SNX29: variants seen among roughly 807,000 people sequenced by gnomAD.
The protein encoded by SNX29 is sorting nexin-29.
Under a neutral mutation model 102.1 loss-of-function variants are expected in SNX29, and 78 were observed. That is an observed-to-expected ratio of 0.76 (90% CI 0.64 to 0.92). SNX29 has a LOEUF of 0.92. Ranked by LOEUF, SNX29 falls within the 40% of genes least tolerant of loss-of-function variation. The pLI is 0.00. For synonymous variants in SNX29, 580 were observed against 414.5 expected (o/e 1.40, Z -4.85); for missense variants, 1,280 against 1,061.7 (o/e 1.21, Z -2.86).
intron 19 of SNX29, among the ~76,000 whole-genome samples, chr16:12,494,385 G>T (rs184570620): frequency 6.6e-6 from 1 of 152,272 alleles, no homozygotes; most frequent in East Asian, 1.9e-4. Context: ...GAGCAGTTCC[G>T]CATCAGACTC....
At chr16:12,279,637 C>A (rs1051725121) in intron 15 of SNX29, among the ~76,000 whole-genome samples, 1 of 152,224 alleles carries the variant, frequency 6.6e-6, no homozygotes, top group African/African-American at 2.4e-5. Flanking sequence ...GGGCCCCAAT[C>A]TCAGGATTGG....
chr16:12,044,499 C>T (rs934666772), intron 5 of SNX29, among the ~76,000 whole-genome samples: 3 of 152,180 alleles, frequency 2.0e-5, no homozygotes, highest in Admixed American at 6.5e-5. Context: ...GTACTGCTCA[C>T]GGTCAGAGTT....
chr16:12,191,867 C>T (rs999844615), intron 13 of SNX29, among the ~76,000 whole-genome samples: 2 of 152,244 alleles, frequency 1.3e-5, no homozygotes, highest in African/African-American at 4.8e-5. Flanking sequence ...CTTGGATAGC[C>T]TTGCCACTGG....
chr16:12,302,428 C>T (rs2080204730), intron 15 of SNX29, among the ~76,000 whole-genome samples: 2 of 152,186 alleles, frequency 1.3e-5, no homozygotes, highest in African/African-American at 4.8e-5. Flanking sequence ...AACTGAGAAA[C>T]TTATAAACAA....
chr16:12,318,523 G>A (rs796654949), intron 15 of SNX29, among the ~76,000 whole-genome samples: 8 of 152,222 alleles, frequency 5.3e-5, no homozygotes, highest in African/African-American at 1.9e-4. Context: ...CTGTTGGTGG[G>A]GAAGAGTGAG....
chr16:12,251,226 T>C (rs1297207039), intron 14 of SNX29, among the ~76,000 whole-genome samples: 1 of 152,240 alleles, frequency 6.6e-6, no homozygotes, highest in Admixed American at 6.5e-5. Flanking sequence ...TGATAATAGC[T>C]CCTGCCTCAG....
At chr16:12,564,832 T>C (rs1019779642) in intron 20 of SNX29, among the ~76,000 whole-genome samples, 2 of 143,386 alleles carry the variant, frequency 1.4e-5, no homozygotes, top group Admixed American at 1.4e-4. Context: ...TACACAACGC[T>C]GAAGTCGGCA....
chr16:12,329,700 T>C (rs209836), intron 15 of SNX29, among the ~76,000 whole-genome samples: 61,081 of 152,178 alleles, frequency 0.4, 14,104 homozygotes, highest in Non-Finnish European at 0.54. Context: ...TGGCTCACAG[T>C]TCACTGGCAA....
At chr16:12,477,951 T>C in intron 19 of SNX29, 92 bp downstream of exon 19, 1 of 1,404,784 alleles carries the variant, frequency 7.1e-7, no homozygotes. Context: ...TAAAAACACA[T>C]GCTCCTTAAA....
intron 14 of SNX29, among the ~76,000 whole-genome samples, chr16:12,259,536 A>T (rs2078672402): frequency 6.6e-6 from 1 of 152,286 alleles, no homozygotes; most frequent in East Asian, 1.9e-4. Flanking sequence ...GGCGCAGAGG[A>T]CTGAGGAGCG....
In SNX29 at chr16:12,126,707, T is replaced by C; in HGVS notation, c.1466+11T>C. ...GGAGGAGGAGAACAGGTACCGTGAT[T>C]TTCAGGCTTGAGGAATAGCCTCTTT... On this transcript the variant is annotated intron_variant, in intron 12 of 20. Coordinates refer to ENST00000566228, the MANE Select transcript of SNX29 (RefSeq NM_032167.5). 2 of 1,613,858 alleles carry C rather than the reference T, an allele frequency of 1.2e-6. No homozygotes were observed. Among genetic ancestry groups the C allele is most frequent in the Non-Finnish European group, 1.7e-6 (2 of 1,179,822 alleles).
chr16:12,292,038 G>A lies in SNX29; in HGVS notation c.1782+14002G>A, dbSNP rs142930297. ...GAATCAAAAGAAGAGGGAAATTGGCGCTGTCAGATCTGCTGGTGGAGGGGT... is the reference window on the plus strand; with the variant it reads ...GAATCAAAAGAAGAGGGAAATTGGCACTGTCAGATCTGCTGGTGGAGGGGT... On this transcript the variant is annotated intron_variant, in intron 15 of 20. Transcript: ENST00000566228. Among the ~76,000 whole-genome samples the A allele has an allele frequency of 4.1e-3, 628 of 152,316 alleles. 1 individual carries two copies. Among genetic ancestry groups the A allele is most frequent in the South Asian group, 0.016 (79 of 4,818 alleles).
chr16:12,513,808 C>T lies in SNX29; in HGVS notation c.2179-10894C>T, dbSNP rs549885842. On this transcript the variant is annotated intron_variant, in intron 19 of 20. Transcript: ENST00000566228. The stretch of plus-strand genomic sequence containing the variant: ...CCCAGTCAGCAGCTGATAAAAGGAG[C>T]TCTGTGACATTTGGGAAGCCACCGC... Among the ~76,000 whole-genome samples, 4 of 152,370 alleles carry T rather than the reference C, an allele frequency of 2.6e-5. No individual in the cohort carries two copies. In the South Asian group the frequency reaches 6.2e-4, roughly 24 times the overall value.
At chr16:12,309,990 C>G (rs2080475378) in intron 15 of SNX29, among the ~76,000 whole-genome samples, 1 of 152,140 alleles carries the variant, frequency 6.6e-6, no homozygotes, top group Non-Finnish European at 1.5e-5. Context: ...GCAGGATCAC[C>G]AAGATAAACA....
chr16:11,986,138 A>G (rs921107237), intron 1 of SNX29, among the ~76,000 whole-genome samples: 9 of 152,010 alleles, frequency 5.9e-5, no homozygotes, highest in Non-Finnish European at 1.2e-4. Context: ...GAGAGCCAGT[A>G]GGGGAGCAGG....
intron 13 of SNX29, among the ~76,000 whole-genome samples, chr16:12,185,755 A>G (rs921041572): frequency 6.6e-5 from 10 of 152,198 alleles, no homozygotes; most frequent in Middle Eastern, 3.2e-3. Context: ...GATTCGGGAC[A>G]TCTCACCCTC....
intron 19 of SNX29, among the ~76,000 whole-genome samples, chr16:12,494,464 G>T (rs2088710481): frequency 6.6e-6 from 1 of 152,184 alleles, no homozygotes; most frequent in Non-Finnish European, 1.5e-5. Flanking sequence ...TGGCATGAAG[G>T]AACGTTGGGC....
rs1199911670 is a variant in SNX29, at chr16:12,362,553, T to TCCCCCC, written c.1899+6277_1899+6282dup. ...TGCAGAAGGATTTTGGCTGCTGCAC[T>TCCCCCC]CCCCCCCCACCCCCCCCCCCACCAG... On this transcript the variant is annotated intron_variant, in intron 16 of 20. Transcript: ENST00000566228. Among the ~76,000 whole-genome samples, 15 of 11,048 alleles carry TCCCCCC rather than the reference T, an allele frequency of 1.4e-3. 2 individuals carry two copies. Among genetic ancestry groups the TCCCCCC allele is most frequent in the Non-Finnish European group, 2.1e-3 (10 of 4,800 alleles). The allele number at this position is 11,048 out of a possible 152,430, so 7.2% of individuals were successfully genotyped here.
intron 13 of SNX29, among the ~76,000 whole-genome samples, chr16:12,183,130 G>A (rs2076429272): frequency 6.6e-6 from 1 of 152,026 alleles, no homozygotes; most frequent in African/African-American, 2.4e-5. Context: ...CTCCCAAGTA[G>A]CTGGGAGCAC....
Sources: allele counts gnomAD v4.1 joint callset (sites outside exome capture counted in the v4.1 genomes callset), GRCh38; gene constraint gnomAD v4.1.1; transcripts MANE v1.5; gene names NCBI Gene and HGNC (gene_info 2026-07-23, HGNC 2026-07-21).